The following MAP3K9 variants were observed in gnomAD, a reference collection of about 807,000 sequenced individuals.
MAP3K9 encodes mixed lineage kinase 1 (tyr and ser/thr specificity).
In MAP3K9, 46 loss-of-function variants were observed where a neutral mutation model predicts 95.8. The observed-to-expected ratio is 0.48, with a 90% CI of 0.38 to 0.61. The LOEUF (loss-of-function observed/expected upper bound fraction) is 0.61. MAP3K9 is among the 20% of genes least tolerant of loss of function. The probability of loss-of-function intolerance (pLI) is 0.00; values close to 1 mark genes in which losing one functional copy is unlikely to be tolerated. For missense variants in MAP3K9, 1,296 were observed against 1,474.3 expected (o/e 0.88, Z 1.98); for synonymous variants, 533 against 593.8 (o/e 0.90, Z 1.49).
At chr14:70,736,454 T>C (rs868455277) in intron 8 of MAP3K9, among the ~76,000 whole-genome samples, 2 of 152,286 alleles carry the variant, frequency 1.3e-5, no homozygotes, top group Middle Eastern at 3.4e-3. Flanking sequence ...GTTCTCAAAA[T>C]TTCTGACATT....
At chr14:70,795,989 G>A (rs994059831) in intron 2 of MAP3K9, among the ~76,000 whole-genome samples, 23 of 149,848 alleles carry the variant, frequency 1.5e-4, no homozygotes, top group Non-Finnish European at 1.9e-4. Flanking sequence ...TCCCGACCTC[G>A]GGTGATCCTC....
rs550610045 is a variant in MAP3K9 at position 70,733,164 on chromosome 14, T to C, written c.2205A>G (p.Pro735=). 6.2e-7 allele frequency: 1 copy of C among 1,611,886 alleles called. No homozygotes were observed. The highest frequency in any genetic ancestry group is 1.1e-5 in the South Asian group (1 of 90,928). ...NSATSTPQLT[P]TNSLKRGGAH... ...CACCGCCCCGCTTGAGGCTGTTGGT[T>C]GGCGTCAGCTGAGGGGTACTCGTGG... The change falls in exon 11 of 12, where the codon CCA becomes CCG. Residue 735 remains proline (P), a synonymous_variant. Transcript: ENST00000554752.
At position 70,750,066 on chromosome 14, in the gene MAP3K9, A is replaced by G; in HGVS notation, c.1017T>C (p.Leu339=). ...GSDVWSYGVL[L]WELLTGEVPF... ...GCACCTCACCAGTCAGCAACTCCCA[A>G]AGTAGCACCCCATAGCTAAGGAGAG... Residue 339 remains leucine (L), a synonymous_variant, in exon 4 of 12, where the codon CTT becomes CTC. Coordinates refer to ENST00000554752, the MANE Select transcript of MAP3K9 (RefSeq NM_001284230.2). 1 of 1,614,174 alleles carries G rather than the reference A, an allele frequency of 6.2e-7. No individual in the cohort carries two copies. Among genetic ancestry groups the G allele is most frequent in the Non-Finnish European group, 8.5e-7 (1 of 1,180,034 alleles).
intron 2 of MAP3K9, among the ~76,000 whole-genome samples, chr14:70,797,550 C>A (rs1221574220): frequency 1.3e-5 from 2 of 152,022 alleles, no homozygotes; most frequent in Non-Finnish European, 2.9e-5. Flanking sequence ...CCAGGCTGGC[C>A]AACATGGCGA....
intron 1 of MAP3K9, among the ~76,000 whole-genome samples, chr14:70,802,863 G>GA (rs564783110): frequency 5.5e-4 from 84 of 151,816 alleles, no homozygotes; most frequent in African/African-American, 1.4e-3. Flanking sequence ...AAATAAAATG[G>GA]AAAAAAAATC....
rs1298265412 is a variant in MAP3K9, at chr14:70,727,305, C to T, written c.*3075G>A. 1 of 152,200 alleles carries T rather than the reference C, an allele frequency of 6.6e-6. No homozygotes were observed. 9.4% of individuals were successfully genotyped at this position (152,200 alleles called of 1,614,324 possible). A position where few individuals can be genotyped will look rare whatever the true frequency, so the allele number is the denominator to read the frequency against. ...GATAACTGAGGTATCTACTCAGCCTCCTGGCAGCAGTCTGGATCCCCAAGA... is the reference window on the plus strand; with the variant it reads ...GATAACTGAGGTATCTACTCAGCCTTCTGGCAGCAGTCTGGATCCCCAAGA... On this transcript the variant is annotated 3_prime_UTR_variant, in exon 12 of 12. Transcript: ENST00000554752.
chr14:70,806,902 T>C (rs1473931702), intron 1 of MAP3K9, among the ~76,000 whole-genome samples: 1 of 152,244 alleles, frequency 6.6e-6, no homozygotes, highest in Non-Finnish European at 1.5e-5. Flanking sequence ...TTCCAATATA[T>C]GACCAAGTTC....
chr14:70,765,735 T>TAA (rs10523480), intron 2 of MAP3K9, among the ~76,000 whole-genome samples: 1 of 122,332 alleles, frequency 8.2e-6, no homozygotes. Context: ...CAACAACAGC[T>TAA]AAAAAAAAAA....
At chr14:70,797,731 TA>T (rs902646571) in intron 2 of MAP3K9, among the ~76,000 whole-genome samples, 5 of 151,782 alleles carry the variant, frequency 3.3e-5, no homozygotes, top group Non-Finnish European at 7.4e-5. Context: ...ACCCTGTCTC[TA>T]AAAAAAATAA....
intron 1 of MAP3K9, among the ~76,000 whole-genome samples, chr14:70,806,926 T>A (rs1036464551): frequency 6.6e-6 from 1 of 152,234 alleles, no homozygotes; most frequent in African/African-American, 2.4e-5. Context: ...TTCAACACTT[T>A]CAAAACACTA....
At chr14:70,743,717 G>A (rs1449298466) in intron 5 of MAP3K9, among the ~76,000 whole-genome samples, 1 of 152,196 alleles carries the variant, frequency 6.6e-6, no homozygotes, top group Non-Finnish European at 1.5e-5. Flanking sequence ...AGATGCTGGA[G>A]AGGATGTGGA....
At chr14:70,735,827 A>G in intron 9 of MAP3K9, 134 bp downstream of exon 9, 1 of 731,334 alleles carries the variant, frequency 1.4e-6, no homozygotes, top group Non-Finnish European at 2.4e-6. Context: ...GCTTAAAACA[A>G]AAACAAAAAC....
chr14:70,754,210 T>C (rs560668892), intron 3 of MAP3K9, among the ~76,000 whole-genome samples: 3 of 152,336 alleles, frequency 2.0e-5, no homozygotes, highest in Admixed American at 6.5e-5. Flanking sequence ...TATTAACATA[T>C]ATGTAATATA....
At chr14:70,782,310 T>G (rs183567366) in intron 2 of MAP3K9, among the ~76,000 whole-genome samples, 1 of 152,366 alleles carries the variant, frequency 6.6e-6, no homozygotes, top group Non-Finnish European at 1.5e-5. Context: ...CAATTTCTTA[T>G]GAGGACATTT....
chr14:70,758,821 G>T (rs534101804), intron 3 of MAP3K9, among the ~76,000 whole-genome samples: 3 of 150,942 alleles, frequency 2.0e-5, no homozygotes, highest in Non-Finnish European at 4.4e-5. Flanking sequence ...GGAGTGCAAT[G>T]GCACAATCCT....
At chr14:70,770,115 C>T (rs992726146) in intron 2 of MAP3K9, among the ~76,000 whole-genome samples, 1 of 152,166 alleles carries the variant, frequency 6.6e-6, no homozygotes, top group Non-Finnish European at 1.5e-5. Flanking sequence ...GGGCAGGTAA[C>T]CACAGTGGGA....
intron 2 of MAP3K9, among the ~76,000 whole-genome samples, chr14:70,780,540 A>G (rs1332533007): frequency 6.6e-6 from 1 of 152,154 alleles, no homozygotes; most frequent in African/African-American, 2.4e-5. Context: ...GCTCTCTCTA[A>G]CATCCTAAAA....
intron 2 of MAP3K9, among the ~76,000 whole-genome samples, chr14:70,777,177 C>T (rs1023363935): frequency 4.6e-5 from 7 of 152,260 alleles, no homozygotes; most frequent in African/African-American, 1.4e-4. Flanking sequence ...GTTGCTTCGA[C>T]CAATGCCCAC....
At chr14:70,774,327 T>C (rs992577285) in intron 2 of MAP3K9, among the ~76,000 whole-genome samples, 1 of 152,216 alleles carries the variant, frequency 6.6e-6, no homozygotes, top group African/African-American at 2.4e-5. Context: ...GCTTGTAATA[T>C]ATTTCGGCTT....
Sources: allele counts gnomAD v4.1 joint callset (sites outside exome capture counted in the v4.1 genomes callset), GRCh38; gene constraint gnomAD v4.1.1; transcripts MANE v1.5; gene names NCBI Gene and HGNC (gene_info 2026-07-23, HGNC 2026-07-21).